SLC13A4: variants seen among roughly 807,000 people sequenced by gnomAD.
The protein encoded by SLC13A4 is solute carrier family 13 member 4.
In SLC13A4, 28 loss-of-function variants were observed where a neutral mutation model predicts 72.7. That is an observed-to-expected ratio of 0.39 (90% CI 0.29 to 0.53). The LOEUF is 0.53. SLC13A4 is among the 20% of genes least tolerant of loss of function. The pLI, the probability that SLC13A4 is intolerant of heterozygous loss-of-function variation, is 0.78. For synonymous variants in SLC13A4, 312 were observed against 325.5 expected (o/e 0.96, Z 0.45); for missense variants, 653 against 788.0 (o/e 0.83, Z 2.05).
chr7:135,705,984 G>A, intron 4 of SLC13A4, 144 bp downstream of exon 4: 2 of 709,964 alleles, frequency 2.8e-6, no homozygotes, highest in Non-Finnish European at 2.3e-6. Context: ...GAGGAGAGAG[G>A]GAAGAGGAAG....
chr7:135,709,152 C>T (rs1344519491), intron 2 of SLC13A4, among the ~76,000 whole-genome samples: 1 of 151,792 alleles, frequency 6.6e-6, no homozygotes, highest in Non-Finnish European at 1.5e-5. Context: ...AGGATGGTCT[C>T]AATCTCCTGA....
intron 2 of SLC13A4, among the ~76,000 whole-genome samples, chr7:135,718,089 G>GTGCA (rs1563170526): frequency 7.1e-5 from 6 of 85,012 alleles, no homozygotes; most frequent in South Asian, 4.4e-4. Context: ...ACACACACAC[G>GTGCA]CGCGCGCGCG....
intron 1 of SLC13A4, among the ~76,000 whole-genome samples, chr7:135,721,945 G>C (rs1163929639): frequency 2.0e-5 from 3 of 152,188 alleles, no homozygotes; most frequent in Non-Finnish European, 4.4e-5. Flanking sequence ...GTTGGAGATA[G>C]GAATCACTAT....
intron 14 of SLC13A4, among the ~76,000 whole-genome samples, chr7:135,685,090 T>C (rs1442479342): frequency 2.0e-5 from 3 of 152,324 alleles, no homozygotes; most frequent in South Asian, 4.1e-4. Context: ...GATGATTGTC[T>C]GAGTTGTGAG....
Position 135,720,553 on chromosome 7 carries a change from TTAA to T in SLC13A4, c.228+839_228+841del, listed in dbSNP as rs1170505025. ...CATCTCAGTGATTCAGGCTTTTTCA[TTAA>T]AAAAAAAAAAAAAAAAAACCAAAAA... On this transcript the variant is annotated intron_variant, in intron 2 of 15. Coordinates refer to ENST00000682651, the MANE Select transcript of SLC13A4 (RefSeq NM_001318192.2). Among the ~76,000 whole-genome samples the T allele has an allele frequency of 4.3e-3, 303 of 70,616 alleles. 2 individuals are homozygous for T. The highest frequency in any genetic ancestry group is 0.014 in the African/African-American group (278 of 19,622). The allele number at this position is 70,616 out of a possible 152,430, so 46.3% of individuals were successfully genotyped here.
chr7:135,714,728 A>G (rs1427383520), intron 2 of SLC13A4, among the ~76,000 whole-genome samples: 1 of 152,226 alleles, frequency 6.6e-6, no homozygotes, highest in East Asian at 1.9e-4. Context: ...AAGTCAGGGT[A>G]ACGAGTCAGA....
intron 2 of SLC13A4, among the ~76,000 whole-genome samples, chr7:135,710,855 G>T (rs1418064491): frequency 6.6e-6 from 1 of 152,148 alleles, no homozygotes; most frequent in Non-Finnish European, 1.5e-5. Flanking sequence ...GGTTAACCCA[G>T]TGTTTGTCTC....
rs1184522964 is a variant in SLC13A4 at position 135,727,422 on chromosome 7, A to G, written c.75T>C (p.Pro25=). ...LVVCVPLLLL[P]LPVLHPSSEA... ...CGCTGCTGGGGTGGAGGACGGGCAG[A>G]GGCAGCAGCAGGAGCGGGACGCAGA... Residue 25 remains proline, a synonymous_variant, in exon 1 of 16, where the codon CCT becomes CCC. Coordinates refer to ENST00000682651, the MANE Select transcript of SLC13A4 (RefSeq NM_001318192.2). 2 of 1,549,840 alleles carry G rather than the reference A, an allele frequency of 1.3e-6. No individual in the cohort carries two copies. Among genetic ancestry groups the G allele is most frequent in the Non-Finnish European group, 1.7e-6 (2 of 1,146,904 alleles).
At chr7:135,705,796 G>A in intron 4 of SLC13A4, 146 bp from the exon 5 acceptor site, 1 of 703,046 alleles carries the variant, frequency 1.4e-6, no homozygotes, top group Non-Finnish European at 2.5e-6. Flanking sequence ...TAAATAGAAT[G>A]GGGCTCATGG....
chr7:135,683,550 G>T, intron 15 of SLC13A4: 1 of 985,200 alleles, frequency 1.0e-6, no homozygotes. Flanking sequence ...AGGTAGATAG[G>T]CCCAGTGCTA....
At chr7:135,690,134 T>C (rs916253727) in intron 13 of SLC13A4, among the ~76,000 whole-genome samples, 2 of 126,808 alleles carry the variant, frequency 1.6e-5, no homozygotes, top group African/African-American at 6.3e-5. Context: ...TGAGCAGAGA[T>C]GGCGCCACTG....
At chr7:135,708,646 A>G (rs1436270765) in intron 2 of SLC13A4, among the ~76,000 whole-genome samples, 1 of 152,152 alleles carries the variant, frequency 6.6e-6, no homozygotes, top group Admixed American at 6.5e-5. Context: ...CTAATTTTTA[A>G]TGTTTTTAGA....
At position 135,702,861 on chromosome 7, in the gene SLC13A4, G is replaced by A. The variant is rs1796071538; in HGVS notation, c.617C>T (p.Thr206Ile). The A allele has an allele frequency of 1.2e-6, 2 of 1,613,976 alleles. No individual in the cohort carries two copies. Among genetic ancestry groups the A allele is most frequent in the Non-Finnish European group, 1.7e-6 (2 of 1,179,814 alleles). The change falls in exon 6 of 16, where the codon ACT becomes ATT. Residue 206 changes from threonine (T) to isoleucine (I), a missense_variant. Thr to Ile is a moderately conservative substitution (Grantham distance 89). Transcript: ENST00000682651. ...NEDRSNADLTTLMHNENLNGV... is the reference protein window; with the variant it reads ...NEDRSNADLTILMHNENLNGV... Reference sequence around the variant, plus strand: ...AGGCCATACCTCGTTGTGCATCAGAGTGGTGAGGTCTGCGTTGGACCTGCT... The same window carrying A: ...AGGCCATACCTCGTTGTGCATCAGAATGGTGAGGTCTGCGTTGGACCTGCT...
At chr7:135,698,449 C>T (rs1795954881) in intron 8 of SLC13A4, among the ~76,000 whole-genome samples, 1 of 149,392 alleles carries the variant, frequency 6.7e-6, no homozygotes, top group Non-Finnish European at 1.5e-5. Context: ...ATTCTCCTGC[C>T]TCAGCCTCCT....
intron 2 of SLC13A4, among the ~76,000 whole-genome samples, chr7:135,708,628 C>T (rs1796224584): frequency 6.6e-6 from 1 of 152,030 alleles, no homozygotes; most frequent in African/African-American, 2.4e-5. Context: ...CTAGGTTTCT[C>T]CCCAAACCTA....
At chr7:135,718,105 G>A (rs1276861496) in intron 2 of SLC13A4, among the ~76,000 whole-genome samples, 3 of 95,254 alleles carry the variant, frequency 3.1e-5, no homozygotes, top group Non-Finnish European at 4.3e-5. Context: ...GCGCGCACGC[G>A]TGCGCGCTAG....
chr7:135,696,086 T>C (rs1376232824), intron 8 of SLC13A4, among the ~76,000 whole-genome samples: 1 of 152,226 alleles, frequency 6.6e-6, no homozygotes, highest in Non-Finnish European at 1.5e-5. Context: ...TGCTGTTTCC[T>C]GGGGAGCCTG....
intron 8 of SLC13A4, among the ~76,000 whole-genome samples, chr7:135,697,509 G>A (rs1795929246): frequency 1.3e-5 from 2 of 151,800 alleles, no homozygotes; most frequent in Non-Finnish European, 2.9e-5. Context: ...CCAAGCCACC[G>A]GCTGCCCTGG....
chr7:135,699,504 C>G lies in SLC13A4; in HGVS notation c.759G>C (p.Leu253=), dbSNP rs900939331. 9.3e-6 allele frequency: 15 copies of G among 1,611,490 alleles called. No individual in the cohort carries two copies. Among genetic ancestry groups the G allele is most frequent in the Non-Finnish European group, 1.3e-5 (15 of 1,178,800 alleles). ...VLTPSPRKQK[L]NRKYRSHHDQ... ...CATGGTGGGACCTGTACTTTCTGTTCAGCTTCTGCTTCCTGGGGCTGGGGG... is the reference window on the plus strand; with the variant it reads ...CATGGTGGGACCTGTACTTTCTGTTGAGCTTCTGCTTCCTGGGGCTGGGGG... The change falls in exon 8 of 16, where the codon CTG becomes CTC. Residue 253 remains leucine (L), a synonymous_variant. Transcript: ENST00000682651.
Sources: allele counts gnomAD v4.1 joint callset (sites outside exome capture counted in the v4.1 genomes callset), GRCh38; gene constraint gnomAD v4.1.1; transcripts MANE v1.5; gene names NCBI Gene and HGNC (gene_info 2026-07-23, HGNC 2026-07-21).